The following PPP2R2B variants were observed in gnomAD, a reference collection of about 807,000 sequenced individuals.
The protein encoded by PPP2R2B is protein phosphatase 2 regulatory subunit Bbeta, also known as serine/threonine-protein phosphatase 2A 55 kDa regulatory subunit B beta isoform.
In PPP2R2B, 5 loss-of-function variants were observed where a neutral mutation model predicts 46.0. The ratio of observed to expected loss-of-function variants is 0.11; its 90% CI spans 0.06 to 0.23. The LOEUF (loss-of-function observed/expected upper bound fraction) is 0.23. Ranked by LOEUF, PPP2R2B falls within the 10% of genes least tolerant of loss-of-function variation. The pLI is 1.00. For missense variants in PPP2R2B, 367 were observed against 575.0 expected, an observed-to-expected ratio of 0.64 and a Z score of 3.70; for synonymous variants, 215 against 206.7, an observed-to-expected ratio of 1.04 and a Z score of -0.34.
chr5:147,069,801 T>TTTTTTGTTTTTTTTTC lies in PPP2R2B; in HGVS notation c.50+11257_50+11258insGAAAAAAAAACAAAAA, dbSNP rs1561611967. 2.8e-4 allele frequency among the ~76,000 whole-genome samples: 37 copies of TTTTTTGTTTTTTTTTC among 131,564 alleles called. 5 individuals carry two copies. The highest frequency in any genetic ancestry group is 1.2e-3 in the African/African-American group (37 of 31,904). 86.3% of individuals were successfully genotyped at this position (131,564 alleles called of 152,430 possible). ...TTTTATACTGTTTTTTTTTTTTTTT[T>TTTTTTGTTTTTTTTTC]TTTTTTTGAGATGGAGTCTTGCTCT... On this transcript the variant is annotated intron_variant, in intron 2 of 10. Transcript: ENST00000394413.
At chr5:146,999,485 T>C (rs1303265540) in intron 1 of PPP2R2B, among the ~76,000 whole-genome samples, 1 of 152,114 alleles carries the variant, frequency 6.6e-6, no homozygotes, top group African/African-American at 2.4e-5. Flanking sequence ...CTGATTTACT[T>C]AGTTGGGATG....
chr5:146,602,180 T>C (rs1235877318), intron 7 of PPP2R2B, among the ~76,000 whole-genome samples: 1 of 152,206 alleles, frequency 6.6e-6, no homozygotes, highest in Non-Finnish European at 1.5e-5. Context: ...TTTGCTCAGG[T>C]ACTCTCTTAC....
intron 1 of PPP2R2B, among the ~76,000 whole-genome samples, chr5:146,897,195 G>T (rs1221620239): frequency 6.6e-6 from 1 of 152,132 alleles, no homozygotes; most frequent in Non-Finnish European, 1.5e-5. Flanking sequence ...CAGCCAAGGA[G>T]GGCCCCCATC....
chr5:146,983,892 G>A (rs1162920548), intron 1 of PPP2R2B, among the ~76,000 whole-genome samples: 2 of 151,322 alleles, frequency 1.3e-5, no homozygotes, highest in African/African-American at 2.4e-5. Flanking sequence ...ATAACAAATT[G>A]TCTTCTTTTC....
intron 2 of PPP2R2B, among the ~76,000 whole-genome samples, chr5:146,768,929 C>T (rs1240496987): frequency 6.6e-6 from 1 of 151,210 alleles, no homozygotes; most frequent in African/African-American, 2.4e-5. Context: ...CTGCCTCTCA[C>T]TGAGGCTGAG....
At chr5:146,600,251 G>A (rs775410782) in intron 8 of PPP2R2B, 40 bp downstream of exon 8, 54 of 1,591,098 alleles carry the variant, frequency 3.4e-5, no homozygotes, top group Non-Finnish European at 4.5e-5. Context: ...GCTCATGAAG[G>A]GAATGTTCAA....
chr5:146,900,164 T>TA (rs1393608201), intron 1 of PPP2R2B, among the ~76,000 whole-genome samples: 2 of 152,164 alleles, frequency 1.3e-5, no homozygotes, highest in Non-Finnish European at 2.9e-5. Flanking sequence ...AACACTCCTT[T>TA]AAAGGAAGTA....
At chr5:147,037,692 G>T (rs974890321) in intron 1 of PPP2R2B, among the ~76,000 whole-genome samples, 8 of 152,098 alleles carry the variant, frequency 5.3e-5, no homozygotes, top group Non-Finnish European at 1.0e-4. Flanking sequence ...CCTAAGAGTG[G>T]TGTGAGGAGG....
chr5:146,796,773 A>G (rs1756566502), intron 2 of PPP2R2B, among the ~76,000 whole-genome samples: 1 of 152,176 alleles, frequency 6.6e-6, no homozygotes, highest in East Asian at 1.9e-4. Flanking sequence ...TTTGTTTTGT[A>G]GCTTCTAAGT....
At chr5:146,955,982 T>C (rs10463274) in intron 1 of PPP2R2B, among the ~76,000 whole-genome samples, 79,639 of 151,338 alleles carry the variant, frequency 0.53, 23,091 homozygotes, top group Non-Finnish European at 0.65. Flanking sequence ...TTTCACCACG[T>C]TGGTCAGGCT....
At chr5:146,614,840 A>G (rs1772973101) in intron 7 of PPP2R2B, among the ~76,000 whole-genome samples, 1 of 38,390 alleles carries the variant, frequency 2.6e-5, no homozygotes, top group Non-Finnish European at 4.0e-5. Context: ...ATCATTAAAA[A>G]GTCAGGAAAC....
At chr5:146,949,355 A>G (rs1764582793) in intron 1 of PPP2R2B, among the ~76,000 whole-genome samples, 1 of 152,126 alleles carries the variant, frequency 6.6e-6, no homozygotes, top group Non-Finnish European at 1.5e-5. Flanking sequence ...CTGAATAGAC[A>G]TTTCTCCAAA....
At chr5:146,835,216 A>G (rs954134717) in intron 2 of PPP2R2B, among the ~76,000 whole-genome samples, 2 of 152,218 alleles carry the variant, frequency 1.3e-5, no homozygotes, top group Non-Finnish European at 2.9e-5. Flanking sequence ...TGACTTAATA[A>G]TAATTCAATT....
At chr5:146,733,712 C>T (rs184901916) in intron 2 of PPP2R2B, among the ~76,000 whole-genome samples, 1 of 152,266 alleles carries the variant, frequency 6.6e-6, no homozygotes, top group Non-Finnish European at 1.5e-5. Context: ...CACACAGACA[C>T]ACACACACAC....
intron 1 of PPP2R2B, among the ~76,000 whole-genome samples, chr5:146,968,029 A>C (rs1582516292): frequency 6.6e-6 from 1 of 152,140 alleles, no homozygotes; most frequent in Non-Finnish European, 1.5e-5. Flanking sequence ...ATCTAGAACA[A>C]TCTTGCCAAT....
chr5:146,736,706 T>C (rs1356225203), intron 2 of PPP2R2B, among the ~76,000 whole-genome samples: 1 of 152,188 alleles, frequency 6.6e-6, no homozygotes, highest in East Asian at 1.9e-4. Context: ...TGAATGAGAA[T>C]GTTCTGACTC....
Position 146,625,915 on chromosome 5 carries a change from G to A in PPP2R2B, c.790+12336C>T, listed in dbSNP as rs765033367. On this transcript the variant is annotated intron_variant, in intron 7 of 9. Transcript: ENST00000394411. ...AGACAGAGAGATGTGATATGAGAAG[G>A]ACTCATCTTCCTGCTGCTAGCTTTG... Among the ~76,000 whole-genome samples, 4 of 152,260 alleles carry A rather than the reference G, an allele frequency of 2.6e-5. No individual in the cohort carries two copies. In the South Asian group the frequency reaches 8.3e-4, roughly 32 times the overall value.
intron 1 of PPP2R2B, among the ~76,000 whole-genome samples, chr5:146,942,261 C>A (rs529782534): frequency 6.6e-6 from 1 of 152,090 alleles, no homozygotes; most frequent in African/African-American, 2.4e-5. Context: ...AAAACTAATA[C>A]AATTAGTGAA....
intron 2 of PPP2R2B, among the ~76,000 whole-genome samples, chr5:146,798,379 C>T (rs902814925): frequency 2.6e-5 from 4 of 152,052 alleles, no homozygotes; most frequent in Non-Finnish European, 5.9e-5. Flanking sequence ...TTCTCTAATC[C>T]ACAGCTTCCA....
Sources: gnomAD v4.1 joint callset for allele counts (sites outside exome capture counted in the v4.1 genomes callset) on GRCh38, gnomAD v4.1.1 for gene constraint, MANE v1.5 for transcripts, NCBI Gene and HGNC (gene_info 2026-07-23, HGNC 2026-07-21) for gene names.